Variants in CDC45 observed in about 807,000 individuals in gnomAD.
CDC45 encodes the protein cell division cycle 45, also known as cell division control protein 45 homolog.
Under a neutral mutation model 77.8 loss-of-function variants are expected in CDC45, and 54 were observed. The observed-to-expected ratio is 0.69, with a 90% CI of 0.56 to 0.87. The LOEUF (loss-of-function observed/expected upper bound fraction) is 0.87. CDC45 is among the 40% of genes least tolerant of loss of function. The pLI is 0.00. For missense variants in CDC45, 649 were observed against 721.6 expected (o/e 0.90, Z 1.15); for synonymous variants, 260 against 272.1 (o/e 0.96, Z 0.44).
chr22:19,496,044 G>T lies in CDC45; in HGVS notation c.591+15G>T. 1 of 1,571,906 alleles carries T rather than the reference G, an allele frequency of 6.4e-7. No homozygotes were observed. Among genetic ancestry groups the T allele is most frequent in the South Asian group, 1.1e-5 (1 of 90,038 alleles). On this transcript the variant is annotated intron_variant, in intron 7 of 18. Coordinates refer to ENST00000263201, the MANE Select transcript of CDC45 (RefSeq NM_003504.5). Reference sequence around the variant, plus strand: ...ATGGGACATCGGTAAGTATGAATAGGTGGAACTCACTATAAAGTTCTGACT... The same window carrying T: ...ATGGGACATCGGTAAGTATGAATAGTTGGAACTCACTATAAAGTTCTGACT...
At chr22:19,479,590 T>C, upstream of CDC45, 1 of 591,850 alleles carries the variant, frequency 1.7e-6, no homozygotes, top group Non-Finnish European at 3.3e-6. Context: ...CTGAGTTTAA[T>C]GTATGGTTAG....
intron 9 of CDC45, among the ~76,000 whole-genome samples, chr22:19,500,561 G>A (rs909681106): frequency 6.6e-6 from 1 of 151,986 alleles, no homozygotes; most frequent in Non-Finnish European, 1.5e-5. Flanking sequence ...TATTTCTTTG[G>A]GTCCCACATA....
In CDC45 at chr22:19,507,465, C is replaced by T; in HGVS notation, c.904C>T (p.Leu302=). The change falls in exon 11 of 19, where the codon CTG becomes TTG. Residue 302 remains leucine (L), a synonymous_variant. Transcript: ENST00000263201. ...CAGCTATACCGCAGCCAGGTTCAAG[C>T]TGTGGTCTGTGCATGGACAGAAGCG... The part of the protein sequence containing the change: ...NTSYTAARFK[L]WSVHGQKRLQ... The T allele has an allele frequency of 6.2e-7, 1 of 1,614,176 alleles. No homozygotes were observed.
intron 9 of CDC45, among the ~76,000 whole-genome samples, chr22:19,500,896 G>A (rs2090329522): frequency 6.6e-6 from 1 of 152,166 alleles, no homozygotes; most frequent in Non-Finnish European, 1.5e-5. Context: ...CATTTTGGAG[G>A]CCGGGCGCGA....
chr22:19,500,024 G>C (rs979141434), intron 9 of CDC45, among the ~76,000 whole-genome samples: 5 of 152,234 alleles, frequency 3.3e-5, no homozygotes, highest in African/African-American at 9.6e-5. Flanking sequence ...CAAGTTTCAG[G>C]CCTGGAGCTA....
At position 19,518,928 on chromosome 22, in the gene CDC45, G is replaced by A. The variant is rs1933954394; in HGVS notation, c.*1+19G>A. On this transcript the variant is annotated intron_variant, in intron 18 of 18. Coordinates refer to ENST00000263201, the MANE Select transcript of CDC45 (RefSeq NM_003504.5). ...TCCTAGGGTGAGTTACAGGGGTTCTGCAGGGGTGGCTGCAGCAGCCCCCTC... is the reference window on the plus strand; with the variant it reads ...TCCTAGGGTGAGTTACAGGGGTTCTACAGGGGTGGCTGCAGCAGCCCCCTC... 2.5e-6 allele frequency: 4 copies of A among 1,601,726 alleles called. No individual in the cohort carries two copies. The highest frequency in any genetic ancestry group is 3.4e-6 in the Non-Finnish European group (4 of 1,168,814).
At chr22:19,494,697 A>G in intron 6 of CDC45, 1 of 902,548 alleles carries the variant, frequency 1.1e-6, no homozygotes, top group Non-Finnish European at 1.7e-6. Context: ...ATTTATAAGA[A>G]GTGCTCTAAA....
At chr22:19,506,651 G>T (rs1190280432) in intron 10 of CDC45, among the ~76,000 whole-genome samples, 1 of 152,182 alleles carries the variant, frequency 6.6e-6, no homozygotes, top group Non-Finnish European at 1.5e-5. Flanking sequence ...AAGGGCTGAG[G>T]AGGTCGGGCG....
intron 5 of CDC45, among the ~76,000 whole-genome samples, chr22:19,492,564 T>A (rs55993139): frequency 0.034 from 5,181 of 152,310 alleles, 117 homozygotes; most frequent in Non-Finnish European, 0.053. Flanking sequence ...TTTAAAATCT[T>A]GGGCAGATAA....
chr22:19,485,467 CATAG>C (rs2090052371), intron 5 of CDC45, among the ~76,000 whole-genome samples: 1 of 152,132 alleles, frequency 6.6e-6, no homozygotes, highest in African/African-American at 2.4e-5. Flanking sequence ...GCAGAGCATC[CATAG>C]ACACTGCAGC....
chr22:19,480,289 G>A lies in CDC45; in HGVS notation c.111+72G>A, dbSNP rs2089956485. 6 of 1,414,630 alleles carry A rather than the reference G, an allele frequency of 4.2e-6. No homozygotes were observed. In the Admixed American group the frequency reaches 6.7e-5, roughly 16 times the overall value. 87.6% of individuals were successfully genotyped at this position (1,414,630 alleles called of 1,614,324 possible). A position where few individuals can be genotyped will look rare whatever the true frequency, so the allele number is the denominator to read the frequency against. On this transcript the variant is annotated intron_variant, in intron 2 of 18. Transcript: ENST00000263201. The stretch of plus-strand genomic sequence containing the variant: ...GGGTGCTGCGTGGGGGCGCAGGGCG[G>A]GCAGAGTGTCAGGATGGGTGCTGAG...
intron 1 of CDC45, 65 bp from the exon 2 acceptor site, chr22:19,480,093 C>T: frequency 1.2e-6 from 2 of 1,611,972 alleles, no homozygotes; most frequent in Non-Finnish European, 1.7e-6. Context: ...CCGTGGGTGA[C>T]CGGGAGGCAG....
At chr22:19,498,689 G>A (rs1035693217) in intron 8 of CDC45, among the ~76,000 whole-genome samples, 1 of 152,186 alleles carries the variant, frequency 6.6e-6, no homozygotes, top group Non-Finnish European at 1.5e-5. Flanking sequence ...GAGATGAAGT[G>A]ATACCAGGGT....
intron 5 of CDC45, among the ~76,000 whole-genome samples, chr22:19,484,286 G>T (rs2090031333): frequency 6.6e-6 from 1 of 152,216 alleles, no homozygotes; most frequent in Non-Finnish European, 1.5e-5. Flanking sequence ...AAAAAATAAT[G>T]TAGAGAAGCA....
chr22:19,507,594 C>G (rs1031438285), intron 11 of CDC45, 77 bp downstream of exon 11: 2 of 1,564,630 alleles, frequency 1.3e-6, no homozygotes, highest in African/African-American at 2.7e-5. Context: ...TTGTTGTGAC[C>G]AACTTAGTTA....
intron 4 of CDC45, 93 bp downstream of exon 4, chr22:19,482,920 A>T: frequency 1.8e-6 from 2 of 1,119,244 alleles, no homozygotes; most frequent in South Asian, 1.4e-5. Context: ...GTGTCTGACT[A>T]CCCTGTGGGA....
chr22:19,482,967 C>T (rs899894224), intron 4 of CDC45, 140 bp downstream of exon 4: 1 of 618,220 alleles, frequency 1.6e-6, no homozygotes, highest in Admixed American at 2.6e-5. Flanking sequence ...TGGTCTTTGT[C>T]ATCTTTTTTT....
At chr22:19,496,346 C>T (rs537963411) in intron 7 of CDC45, among the ~76,000 whole-genome samples, 3 of 152,244 alleles carry the variant, frequency 2.0e-5, no homozygotes, top group African/African-American at 4.8e-5. Flanking sequence ...AGTCTCTGTG[C>T]GAGAAGATAA....
At chr22:19,508,764 G>A (rs1007932246) in intron 13 of CDC45, 73 bp downstream of exon 13, 31 of 1,426,778 alleles carry the variant, frequency 2.2e-5, no homozygotes, top group Admixed American at 5.8e-5. Flanking sequence ...GGTCAGTTAC[G>A]GGGACCCCAG....
Sources: allele counts gnomAD v4.1 joint callset (sites outside exome capture counted in the v4.1 genomes callset), GRCh38; gene constraint gnomAD v4.1.1; transcripts MANE v1.5; gene names NCBI Gene and HGNC (gene_info 2026-07-23, HGNC 2026-07-21).